The following CACYBP variants were observed in gnomAD, a reference collection of about 807,000 sequenced individuals.
CACYBP encodes the protein calcyclin-binding protein.
CACYBP carries 11 observed loss-of-function variants against 29.6 expected under a neutral mutation model. That is an observed-to-expected ratio of 0.37 (90% CI 0.23 to 0.61). The LOEUF is 0.61. Ranked by LOEUF, CACYBP falls within the 20% of genes least tolerant of loss-of-function variation. The pLI is 0.65. For missense variants in CACYBP, 163 were observed against 260.7 expected (o/e 0.63, Z 2.58); for synonymous variants, 73 against 88.3 (o/e 0.83, Z 0.97).
chr1:175,000,502 C>T, intron 1 of CACYBP: 2 of 1,296,158 alleles, frequency 1.5e-6, no homozygotes, highest in Non-Finnish European at 2.0e-6. Flanking sequence ...TCCTCAGGCC[C>T]TTTCTGCCCT....
chr1:175,007,221 A>G lies in CACYBP; in HGVS notation c.432+24A>G, dbSNP rs769306905. 11 of 1,382,060 alleles carry G rather than the reference A, an allele frequency of 8.0e-6. No individual in the cohort carries two copies. The South Asian group carries it at 1.3e-4, about 16-fold the overall frequency. 85.6% of individuals were successfully genotyped at this position (1,382,060 alleles called of 1,614,324 possible). On this transcript the variant is annotated intron_variant, in intron 4 of 5. Transcript: ENST00000367679. ...AAGTGAGTGTGCTTTTTTTGATTGT[A>G]ATATTGTGAAACCTTACCAAATTGA... is the stretch of plus-strand genomic sequence containing the variant.
upstream of CACYBP, chr1:174,999,670 GACT>G: frequency 8.5e-6 from 2 of 234,270 alleles, no homozygotes; most frequent in Non-Finnish European, 8.5e-6. Flanking sequence ...GTCAACTTCC[GACT>G]TGGACTCCGA....
intron 2 of CACYBP, 86 bp from the exon 3 acceptor site, chr1:175,006,659 T>A: frequency 1.5e-6 from 1 of 670,848 alleles, no homozygotes; most frequent in Non-Finnish European, 2.7e-6. Context: ...AATTTTACTT[T>A]CCTGACTTAT....
At chr1:175,004,278 GAATCCTTTGTCAAAAAAA>G (rs1168876696) in intron 1 of CACYBP, among the ~76,000 whole-genome samples, 1 of 152,098 alleles carries the variant, frequency 6.6e-6, no homozygotes, top group Non-Finnish European at 1.5e-5. Flanking sequence ...GGAAATCTAT[GAATCCTTTGTCAAAAAAA>G]AGTTCTTTGT....
chr1:175,000,287 C>T, intron 1 of CACYBP, 92 bp downstream of exon 1: 1 of 1,528,836 alleles, frequency 6.5e-7, no homozygotes, highest in Non-Finnish European at 8.8e-7. Context: ...GGCTGAGCCG[C>T]CCTGCGGCCA....
intron 1 of CACYBP, among the ~76,000 whole-genome samples, chr1:175,000,767 A>G (rs778513335): frequency 2.0e-5 from 3 of 152,206 alleles, no homozygotes; most frequent in Non-Finnish European, 4.4e-5. Flanking sequence ...GTGATTGGCA[A>G]ACAGCAATCT....
At chr1:174,999,797 C>T, upstream of CACYBP, 2 of 368,934 alleles carry the variant, frequency 5.4e-6, no homozygotes, top group South Asian at 2.5e-5. Context: ...GGGCGGAGAG[C>T]AAGACATTAC....
intron 5 of CACYBP, 22 bp from the exon 6 acceptor site, chr1:175,009,901 T>C: frequency 1.9e-6 from 3 of 1,592,686 alleles, no homozygotes; most frequent in African/African-American, 1.4e-5. Flanking sequence ...TCCCCATTGT[T>C]GTATATGTTT....
intron 1 of CACYBP, chr1:175,000,553 G>C: frequency 8.4e-7 from 1 of 1,186,004 alleles, no homozygotes; most frequent in Non-Finnish European, 1.0e-6. Flanking sequence ...TTCAAGCAAA[G>C]CTGGGTGCAA....
In CACYBP at chr1:175,000,208, G is replaced by A; in HGVS notation, c.15+13G>A. 9.3e-6 allele frequency: 15 copies of A among 1,604,694 alleles called. No homozygotes were observed. The highest frequency in any genetic ancestry group is 1.2e-5 in the Non-Finnish European group (14 of 1,175,684). On this transcript the variant is annotated intron_variant, in intron 1 of 5. Coordinates refer to ENST00000367679, the MANE Select transcript of CACYBP (RefSeq NM_014412.3). Reference sequence around the variant, plus strand: ...GGCTTCAGAAGAGGTAAGTGGTCCGGCCCCATATTCCTTATGCCCCCCGGC... The same window carrying A: ...GGCTTCAGAAGAGGTAAGTGGTCCGACCCCATATTCCTTATGCCCCCCGGC...
intron 2 of CACYBP, among the ~76,000 whole-genome samples, chr1:175,005,290 G>T (rs1339864438): frequency 6.6e-6 from 1 of 152,222 alleles, no homozygotes; most frequent in African/African-American, 2.4e-5. Flanking sequence ...TGCTCATGTT[G>T]TGGTTGGGAC....
chr1:175,001,737 CATTT>C (rs1363962588), intron 1 of CACYBP, among the ~76,000 whole-genome samples: 2 of 152,150 alleles, frequency 1.3e-5, no homozygotes, highest in Non-Finnish European at 2.9e-5. Flanking sequence ...CGTTTATGGA[CATTT>C]ATTTCCACTT....
At chr1:175,004,866 T>C in intron 2 of CACYBP, 33 bp downstream of exon 2, 6 of 1,341,104 alleles carry the variant, frequency 4.5e-6, no homozygotes, top group Non-Finnish European at 6.4e-6. Flanking sequence ...CAGTTCTGCC[T>C]CCGAGCAACC....
chr1:175,000,724 G>T (rs945154299), intron 1 of CACYBP: 4 of 510,458 alleles, frequency 7.8e-6, no homozygotes, highest in Non-Finnish European at 1.0e-5. Flanking sequence ...TCATAGGGTT[G>T]TTAAAAAATA....
In CACYBP at chr1:175,004,724, C is replaced by G; in HGVS notation, c.126C>G (p.Asn42Lys). ...CCAAGATTGAGACAGAAATCAAGAA[C>G]AAGATGCAACAGAAATCACAGAAGA... ...EKSKIETEIK[N>K]KMQQKSQKKA... Residue 42 changes from asparagine to lysine, a missense_variant, in exon 2 of 6, where the codon AAC becomes AAG. Coordinates refer to ENST00000367679, the MANE Select transcript of CACYBP (RefSeq NM_014412.3). The G allele has an allele frequency of 6.2e-7, 1 of 1,613,658 alleles. No homozygotes were observed. Among genetic ancestry groups the G allele is most frequent in the Non-Finnish European group, 8.5e-7 (1 of 1,179,580 alleles).
At chr1:175,008,001 C>T (rs907941250) in intron 4 of CACYBP, among the ~76,000 whole-genome samples, 4 of 152,088 alleles carry the variant, frequency 2.6e-5, no homozygotes, top group African/African-American at 7.2e-5. Context: ...TAGTTGGATT[C>T]GCTGTCTTAC....
chr1:175,001,860 GC>G (rs1050853863), intron 1 of CACYBP, among the ~76,000 whole-genome samples: 1 of 152,146 alleles, frequency 6.6e-6, no homozygotes, highest in African/African-American at 2.4e-5. Flanking sequence ...TCCTGCCTTA[GC>G]CTCCTGAGAA....
intron 1 of CACYBP, among the ~76,000 whole-genome samples, chr1:175,004,389 T>G (rs1432089721): frequency 6.6e-6 from 1 of 152,206 alleles, no homozygotes; most frequent in Non-Finnish European, 1.5e-5. Flanking sequence ...CTATTTATTG[T>G]TTGTTCAAGA....
intron 1 of CACYBP, among the ~76,000 whole-genome samples, chr1:175,002,114 T>G (rs1672506731): frequency 2.0e-5 from 3 of 152,180 alleles, no homozygotes; most frequent in Admixed American, 2.0e-4. Flanking sequence ...TTTGTGTGGA[T>G]GTGTTTTCAG....
Sources: allele counts gnomAD v4.1 joint callset (sites outside exome capture counted in the v4.1 genomes callset), GRCh38; gene constraint gnomAD v4.1.1; transcripts MANE v1.5; gene names NCBI Gene and HGNC (gene_info 2026-07-23, HGNC 2026-07-21).